MPDZ: variants seen among roughly 807,000 people sequenced by gnomAD.
MPDZ encodes multiple PDZ domain protein.
In MPDZ, 234 loss-of-function variants were observed where a neutral mutation model predicts 239.1. The observed-to-expected ratio is 0.98, with a 90% CI of 0.88 to 1.09. MPDZ has a LOEUF of 1.09. MPDZ is among the 50% of genes least tolerant of loss of function. MPDZ has a pLI of 0.00. For missense variants in MPDZ, 3,175 were observed against 2,510.0 expected (o/e 1.26, Z -5.66); for synonymous variants, 1,048 against 881.3 (o/e 1.19, Z -3.35).
At chr9:13,217,081 C>A in intron 9 of MPDZ, 99 bp downstream of exon 9, 1 of 944,702 alleles carries the variant, frequency 1.1e-6, no homozygotes, top group Non-Finnish European at 1.6e-6. Context: ...CCAGTTTATC[C>A]AACAACCTGA....
In MPDZ at chr9:13,150,575, T is replaced by C; in HGVS notation, c.3566A>G (p.His1189Arg). ...GEVMRGIFIK[H>R]VLEDSPAGKN... Reference sequence around the variant, plus strand: ...GCCAGCTGGACTATCTTCCAGAACATGTTTGATGAAAATGCCCCTCATCAC... The same window carrying C: ...GCCAGCTGGACTATCTTCCAGAACACGTTTGATGAAAATGCCCCTCATCAC... Residue 1189 changes from histidine to arginine, a missense_variant, in exon 25 of 47, where the codon CAT (histidine) becomes CGT (arginine). Transcript: ENST00000319217. The C allele has an allele frequency of 7.7e-6, 12 of 1,566,158 alleles. No individual in the cohort carries two copies. Among genetic ancestry groups the C allele is most frequent in the Non-Finnish European group, 1.0e-5 (12 of 1,154,460 alleles).
At chr9:13,172,432 G>C (rs1384486456) in intron 21 of MPDZ, among the ~76,000 whole-genome samples, 3 of 149,314 alleles carry the variant, frequency 2.0e-5, no homozygotes, top group Non-Finnish European at 4.4e-5. Flanking sequence ...ACCTAGGCTG[G>C]AGTGTAGTGG....
chr9:13,224,710 C>T (rs568063420), intron 3 of MPDZ, 127 bp from the exon 4 acceptor site: 2 of 656,152 alleles, frequency 3.0e-6, no homozygotes, highest in Non-Finnish European at 2.5e-6. Context: ...TCCAGCAATT[C>T]TATTTTGGGA....
At position 13,122,070 on chromosome 9, in the gene MPDZ, A is replaced by G. The variant is rs1944432677; in HGVS notation, c.5037+17T>C. 6.2e-7 allele frequency: 1 copy of G among 1,613,320 alleles called. No individual in the cohort carries two copies. The highest frequency in any genetic ancestry group is 8.5e-7 in the Non-Finnish European group (1 of 1,179,352). On this transcript the variant is annotated intron_variant, in intron 37 of 46. Transcript: ENST00000319217. ...TTTCTCTGTTAATTTTGAAGGTCAAAAACAGGCATTCTATACCTCTAAGAT... is the reference window on the plus strand; with the variant it reads ...TTTCTCTGTTAATTTTGAAGGTCAAGAACAGGCATTCTATACCTCTAAGAT...
intron 12 of MPDZ, among the ~76,000 whole-genome samples, chr9:13,198,933 T>A (rs1956044549): frequency 2.0e-5 from 3 of 152,050 alleles, no homozygotes; most frequent in Admixed American, 2.0e-4. Context: ...GTGTGAAGAA[T>A]GTCATTGGTA....
intron 26 of MPDZ, 42 bp from the exon 27 acceptor site, chr9:13,143,606 A>G: frequency 2.0e-6 from 3 of 1,508,582 alleles, no homozygotes; most frequent in Non-Finnish European, 2.8e-6. Flanking sequence ...AAGGAAATGT[A>G]TTGAAAACAA....
At chr9:13,186,248 T>C in intron 18 of MPDZ, 22 bp downstream of exon 18, 2 of 1,406,428 alleles carry the variant, frequency 1.4e-6, no homozygotes, top group Non-Finnish European at 1.9e-6. Context: ...GAAAGAAAGC[T>C]TGATAAGTCA....
At chr9:13,225,825 C>T (rs1960400096) in intron 3 of MPDZ, among the ~76,000 whole-genome samples, 1 of 152,054 alleles carries the variant, frequency 6.6e-6, no homozygotes, top group Non-Finnish European at 1.5e-5. Context: ...TATTGTCACA[C>T]ATCGATTCTG....
At chr9:13,224,341 A>G (rs1360332582) in intron 4 of MPDZ, 33 bp downstream of exon 4, 6 of 1,521,010 alleles carry the variant, frequency 3.9e-6, no homozygotes, top group East Asian at 2.3e-5. Flanking sequence ...TACTACAGGT[A>G]TTACAATAAC....
intron 42 of MPDZ, 75 bp downstream of exon 42, chr9:13,112,936 A>C (rs1942737362): frequency 7.4e-7 from 1 of 1,353,526 alleles, no homozygotes; most frequent in East Asian, 2.5e-5. Context: ...AACCGTAAGA[A>C]AGTTAACAAG....
At chr9:13,219,487 T>G in intron 8 of MPDZ, 72 bp downstream of exon 8, 1 of 1,355,754 alleles carries the variant, frequency 7.4e-7, no homozygotes, top group Non-Finnish European at 1.0e-6. Context: ...GTCTAGTTTC[T>G]AAGTAAACAT....
intron 1 of MPDZ, among the ~76,000 whole-genome samples, chr9:13,259,848 G>C (rs1026554827): frequency 6.6e-6 from 1 of 151,866 alleles, no homozygotes; most frequent in African/African-American, 2.4e-5. Context: ...TTTTTGTTTT[G>C]TTTGAGATGG....
In MPDZ at chr9:13,261,936, T is replaced by C. The variant is rs566758020; in HGVS notation, c.-57-11564A>G. Reference sequence around the variant, plus strand: ...GGCACATGCATGTAGTCCCAGCTACTTGGGAGGCTAAGGTGAGAAGATTAT... The same window carrying C: ...GGCACATGCATGTAGTCCCAGCTACCTGGGAGGCTAAGGTGAGAAGATTAT... On this transcript the variant is annotated intron_variant, in intron 1 of 46. Transcript: ENST00000319217. Among the ~76,000 whole-genome samples, 17 of 151,606 alleles carry C rather than the reference T, an allele frequency of 1.1e-4. No homozygotes were observed. In the South Asian group the frequency reaches 1.9e-3, roughly 17 times the overall value.
In MPDZ at chr9:13,137,829, G is replaced by A. The variant is rs79579536; in HGVS notation, c.4200+128C>T. The A allele has an allele frequency of 1.8e-4, 167 of 936,912 alleles. No individual in the cohort carries two copies. In the East Asian group the frequency reaches 4.3e-3, roughly 24 times the overall value. 58.0% of individuals were successfully genotyped at this position (936,912 alleles called of 1,614,324 possible). ...GGTTTAGAGCCAGATTTGCTGCAAT[G>A]CATCTATTTTATTAAGCAAGCAATG... On this transcript the variant is annotated intron_variant, in intron 29 of 46. Transcript: ENST00000319217.
At chr9:13,238,399 G>T (rs1438440744) in intron 3 of MPDZ, among the ~76,000 whole-genome samples, 4 of 152,094 alleles carry the variant, frequency 2.6e-5, no homozygotes, top group Admixed American at 2.6e-4. Context: ...AAACCAACCG[G>T]AGAGCCCTAC....
chr9:13,153,457 GT>G (rs1587310345), intron 24 of MPDZ, among the ~76,000 whole-genome samples: 1 of 152,010 alleles, frequency 6.6e-6, no homozygotes, highest in African/African-American at 2.4e-5. Flanking sequence ...TTTTGTTTTT[GT>G]TTTGAGACAG....
chr9:13,196,185 T>G lies in MPDZ; in HGVS notation c.1592A>C (p.Gln531Pro). Reference protein sequence around the residue: ...SAEIEEIEDAQKQEAALLTKW... With the variant: ...SAEIEEIEDAPKQEAALLTKW... ...TGTCAGCAGAGCAGCTTCTTGTTTT[T>G]GTGCATCTTCTATTTCTTCTATCTC... Residue 531 changes from glutamine (Q) to proline (P), a missense_variant, in exon 13 of 47, where the codon CAA (glutamine) becomes CCA (proline). Physicochemically the swap from Gln to Pro is moderately conservative, Grantham distance 76. Transcript: ENST00000319217. 1 of 1,602,898 alleles carries G rather than the reference T, an allele frequency of 6.2e-7. No homozygotes were observed. The highest frequency in any genetic ancestry group is 8.5e-7 in the Non-Finnish European group (1 of 1,173,730).
At chr9:13,218,099 T>A (rs1020002263) in intron 8 of MPDZ, among the ~76,000 whole-genome samples, 1 of 151,752 alleles carries the variant, frequency 6.6e-6, no homozygotes, top group Non-Finnish European at 1.5e-5. Context: ...GACAGTCAGG[T>A]TGGGGCTAGC....
Position 13,138,141 on chromosome 9 carries a change from T to G in MPDZ, c.4016A>C (p.Glu1339Ala). 6.3e-7 allele frequency: 1 copy of G among 1,581,620 alleles called. No homozygotes were observed. ...CTCGCCTGTTAGGGTTCCATAACGC[T>G]CTCTGATATTTTCTACATACAACAA... Reference protein sequence around the residue: ...EFGYSWKNIRERYGTLTGELH... With the variant: ...EFGYSWKNIRARYGTLTGELH... Residue 1339 changes from glutamate (E) to alanine (A), a missense_variant, in exon 29 of 47, where the codon GAG becomes GCG. Physicochemically the swap from Glu to Ala is moderately radical, Grantham distance 107. Coordinates refer to ENST00000319217, the MANE Select transcript of MPDZ (RefSeq NM_001378778.1).
Sources: allele counts gnomAD v4.1 joint callset (sites outside exome capture counted in the v4.1 genomes callset), GRCh38; gene constraint gnomAD v4.1.1; transcripts MANE v1.5; gene names NCBI Gene and HGNC (gene_info 2026-07-23, HGNC 2026-07-21).